The following DMTN variants were observed in gnomAD, a reference collection of about 807,000 sequenced individuals.
The protein encoded by DMTN is dematin.
In DMTN, 27 loss-of-function variants were observed where a neutral mutation model predicts 59.4. That is an observed-to-expected ratio of 0.45 (90% CI 0.33 to 0.63). DMTN has a LOEUF of 0.63. Among genes scored for constraint, DMTN ranks in the 20% least tolerant of loss-of-function variants. The pLI, the probability that DMTN is intolerant of heterozygous loss-of-function variation, is 0.02. For missense variants in DMTN, 451 were observed against 528.9 expected (o/e 0.85, Z 1.45); for synonymous variants, 221 against 203.7 (o/e 1.08, Z -0.72).
At chr8:22,056,643 A>G (rs536359715), upstream of DMTN, among the ~76,000 whole-genome samples, 36 of 151,926 alleles carry the variant, frequency 2.4e-4, no homozygotes, top group South Asian at 1.0e-3. Context: ...CTGCTTTGTC[A>G]TGACGCTGGG....
chr8:22,056,237 G>T (rs1377366617), upstream of DMTN, among the ~76,000 whole-genome samples: 1 of 152,182 alleles, frequency 6.6e-6, no homozygotes, highest in Admixed American at 6.5e-5. Context: ...GTTCCCAGGG[G>T]ATTCAGGTTA....
intron 10 of DMTN, among the ~76,000 whole-genome samples, chr8:22,075,707 C>T (rs765688035): frequency 5.3e-5 from 8 of 151,926 alleles, no homozygotes; most frequent in Non-Finnish European, 8.8e-5. Context: ...TTATTAGAGA[C>T]GGGGTTTCGC....
intron 1 of DMTN, among the ~76,000 whole-genome samples, chr8:22,061,514 C>A (rs762731027): frequency 1.8e-4 from 27 of 152,130 alleles, no homozygotes; most frequent in Non-Finnish European, 3.7e-4. Flanking sequence ...CTGGGCCACT[C>A]ACCTTTCACC....
Position 22,066,897 on chromosome 8 carries a change from C to T in DMTN, c.18+4C>T, listed in dbSNP as rs1811051849. ...CTGCATGGAACGGCTGCAGAAGGTG[C>T]GCGGCGCCGCCCCGGGCCGGGGCCG... On this transcript the variant is annotated splice_donor_region_variant and intron_variant, in intron 2 of 15. Transcript: ENST00000358242. 4 of 1,279,800 alleles carry T rather than the reference C, an allele frequency of 3.1e-6. No individual in the cohort carries two copies. Among genetic ancestry groups the T allele is most frequent in the Admixed American group, 3.8e-5 (1 of 26,090 alleles). 79.3% of individuals were successfully genotyped at this position (1,279,800 alleles called of 1,614,324 possible). A position where few individuals can be genotyped will look rare whatever the true frequency, so the allele number is the denominator to read the frequency against.
At position 22,060,564 on chromosome 8, in the gene DMTN, C is replaced by T. The variant is rs1479546061; in HGVS notation, c.-172+3428C>T. ...TGCCTTAAGGCTAGGCCCACGTTTA[C>T]GTGCAAATGCCCCACAAGGGGTAAG... On this transcript the variant is annotated intron_variant, in intron 1 of 15. Transcript: ENST00000358242. The surrounding 1 kb of genome is among the most constrained non-coding windows in gnomAD (Gnocchi z 5.0). 2.6e-5 allele frequency among the ~76,000 whole-genome samples: 4 copies of T among 152,266 alleles called. No individual in the cohort carries two copies. The highest frequency in any genetic ancestry group is 4.8e-5 in the African/African-American group (2 of 41,476).
intron 10 of DMTN, among the ~76,000 whole-genome samples, chr8:22,074,807 G>A (rs973103990): frequency 4.6e-5 from 7 of 152,128 alleles, no homozygotes; most frequent in African/African-American, 7.2e-5. Flanking sequence ...ACTATCCAGC[G>A]CACTACCCTG....
At chr8:22,067,863 C>T (rs1812087857) in intron 4 of DMTN, among the ~76,000 whole-genome samples, 181 bp downstream of exon 4, 1 of 152,244 alleles carries the variant, frequency 6.6e-6, no homozygotes, top group Admixed American at 6.5e-5. Context: ...GCAGAACGGT[C>T]TCTGGGCTGG....
At chr8:22,072,510 G>C in intron 9 of DMTN, 60 bp downstream of exon 9, 1 of 1,481,094 alleles carries the variant, frequency 6.8e-7, no homozygotes, top group Non-Finnish European at 9.1e-7. Flanking sequence ...TGTTGCCCAG[G>C]CTGGCATGCA....
At chr8:22,070,046 C>A in intron 7 of DMTN, 109 bp downstream of exon 7, 4 of 1,544,594 alleles carry the variant, frequency 2.6e-6, no homozygotes, top group Non-Finnish European at 3.6e-6. Context: ...CATGTCACAG[C>A]AGCACGTGTG....
intron 10 of DMTN, among the ~76,000 whole-genome samples, chr8:22,075,114 G>A (rs775702012): frequency 5.3e-5 from 8 of 151,550 alleles, no homozygotes; most frequent in South Asian, 2.1e-4. Context: ...TTGAACCCAG[G>A]AGGTGGAGGT....
chr8:22,073,277 A>G (rs1817142210), intron 9 of DMTN, among the ~76,000 whole-genome samples: 1 of 152,186 alleles, frequency 6.6e-6, no homozygotes, highest in African/African-American at 2.4e-5. Flanking sequence ...GCCACTTGGG[A>G]AATGTCCGCA....
At chr8:22,068,936 A>T in intron 4 of DMTN, 80 bp from the exon 5 acceptor site, 1 of 1,505,190 alleles carries the variant, frequency 6.6e-7, no homozygotes, top group South Asian at 1.1e-5. Flanking sequence ...TGGGTGGGGG[A>T]TGAGGTGGCC....
At position 22,080,797 on chromosome 8, in the gene DMTN, C is replaced by G. The variant is rs778199246; in HGVS notation, c.958-8C>G. On this transcript the variant is annotated splice_polypyrimidine_tract_variant and splice_region_variant and intron_variant, in intron 13 of 15. Coordinates refer to ENST00000358242, the MANE Select transcript of DMTN (RefSeq NM_001387751.1). ...CGCTCTGGCTCACTGCGGCTTTGGT[C>G]TCCCCAGAACGGAGAGGGCCAGAGG... The G allele has an allele frequency of 2.5e-6, 4 of 1,606,512 alleles. No individual in the cohort carries two copies.
At chr8:22,050,141 G>A (rs190929250), upstream of DMTN, among the ~76,000 whole-genome samples, 4 of 152,318 alleles carry the variant, frequency 2.6e-5, no homozygotes, top group African/African-American at 9.6e-5. Context: ...AGACCGCGCC[G>A]TGTTGGGGGT....
chr8:22,054,366 TG>T (rs778795122), upstream of DMTN, among the ~76,000 whole-genome samples: 2 of 151,388 alleles, frequency 1.3e-5, no homozygotes, highest in Non-Finnish European at 2.9e-5. Flanking sequence ...GGAAGAGAGC[TG>T]TCCCTTGCTC....
At chr8:22,073,052 A>G (rs1563495006) in intron 9 of DMTN, among the ~76,000 whole-genome samples, 1 of 152,216 alleles carries the variant, frequency 6.6e-6, no homozygotes, top group Non-Finnish European at 1.5e-5. Flanking sequence ...CATGGGCTAC[A>G]GGCCTCCAGG....
chr8:22,066,594 C>T, intron 1 of DMTN, 111 bp from the exon 2 acceptor site: 1 of 316,228 alleles, frequency 3.2e-6, no homozygotes, highest in Non-Finnish European at 5.8e-6. Flanking sequence ...CGGGGCTGAG[C>T]GGATGGGAAG....
At position 22,058,925 on chromosome 8, in the gene DMTN, G is replaced by T. The variant is rs1804276052; in HGVS notation, c.-172+1789G>T. On this transcript the variant is annotated intron_variant, in intron 1 of 15. Coordinates refer to ENST00000358242, the MANE Select transcript of DMTN (RefSeq NM_001387751.1). The surrounding 1 kb of genome is among the most constrained non-coding windows in gnomAD (Gnocchi z 4.3). Reference sequence around the variant, plus strand: ...CTGGTGTCCTTTTCCAGTGGCGGGGGGGTGCGGGGAGCAAGGTGCCCTACC... The same window carrying T: ...CTGGTGTCCTTTTCCAGTGGCGGGGTGGTGCGGGGAGCAAGGTGCCCTACC... Among the ~76,000 whole-genome samples, 1 of 152,288 alleles carries T rather than the reference G, an allele frequency of 6.6e-6. No individual in the cohort carries two copies. Among genetic ancestry groups the T allele is most frequent in the East Asian group, 1.9e-4 (1 of 5,166 alleles).
At chr8:22,069,559 T>C in intron 6 of DMTN, 41 bp downstream of exon 6, 1 of 1,510,144 alleles carries the variant, frequency 6.6e-7, no homozygotes, top group Non-Finnish European at 9.0e-7. Context: ...CCTAAGACTT[T>C]CTCCATCAGG....
Sources: allele counts gnomAD v4.1 joint callset (sites outside exome capture counted in the v4.1 genomes callset), GRCh38; gene constraint gnomAD v4.1.1; non-coding constraint Gnocchi (gnomAD v3.1); transcripts MANE v1.5; gene names NCBI Gene and HGNC (gene_info 2026-07-23, HGNC 2026-07-21).